The following TTC21A variants were observed in gnomAD, a reference collection of about 807,000 sequenced individuals.
TTC21A encodes tetratricopeptide repeat protein 21A.
Under a neutral mutation model 156.4 loss-of-function variants are expected in TTC21A, and 128 were observed. That is an observed-to-expected ratio of 0.82 (90% CI 0.71 to 0.95). TTC21A has a LOEUF of 0.95. Among genes scored for constraint, TTC21A ranks in the 40% least tolerant of loss-of-function variants. The pLI is 0.00. For missense variants in TTC21A, 1,435 were observed against 1,602.3 expected, an observed-to-expected ratio of 0.90 and a Z score of 1.78; for synonymous variants, 587 against 617.1, an observed-to-expected ratio of 0.95 and a Z score of 0.72.
intron 2 of TTC21A, among the ~76,000 whole-genome samples, 165 bp from the exon 3 acceptor site, chr3:39,109,864 C>T (rs1419677812): frequency 1.3e-5 from 2 of 152,198 alleles, no homozygotes; most frequent in Non-Finnish European, 2.9e-5. Flanking sequence ...ATGTTACCAG[C>T]AACTCTTTCA....
At chr3:39,126,626 TACACACACACAC>T (rs58486401) in intron 12 of TTC21A, among the ~76,000 whole-genome samples, 1 of 147,602 alleles carries the variant, frequency 6.8e-6, no homozygotes, top group African/African-American at 2.5e-5. Context: ...CCTGGTGTAC[TACACACACACAC>T]ACACACACAC....
intron 28 of TTC21A, 25 bp downstream of exon 28, chr3:39,138,648 G>A (rs760722524): frequency 1.2e-6 from 2 of 1,614,058 alleles, no homozygotes; most frequent in East Asian, 4.5e-5. Context: ...TTGGTGGGGA[G>A]GGCCTGGTGT....
Position 39,121,101 on chromosome 3 carries a change from C to T in TTC21A, c.1005C>T (p.Leu335=). The T allele has an allele frequency of 6.2e-7, 1 of 1,614,190 alleles. No individual in the cohort carries two copies. Among genetic ancestry groups the T allele is most frequent in the Non-Finnish European group, 8.5e-7 (1 of 1,180,028 alleles). Residue 335 remains leucine (L), a synonymous_variant, in exon 9 of 29, where the codon CTC becomes CTT. Transcript: ENST00000683103. ...YVHVATELGY[L]FILKNQVKEA... is the part of the protein sequence containing the mutation. The stretch of plus-strand genomic sequence containing the variant: ...ATGTGGCCACAGAACTGGGCTATCT[C>T]TTCATCCTGAAGAACCAAGTGAAAG...
chr3:39,137,264 C>T lies in TTC21A; in HGVS notation c.3327C>T (p.Tyr1109=), dbSNP rs781653411. The change falls in exon 25 of 29, where the codon TAC becomes TAT. Residue 1109 remains tyrosine (Y), a synonymous_variant. Transcript: ENST00000683103. ...STAEKLLREF[Y]PHSDSSQTQL... The stretch of plus-strand genomic sequence containing the variant: ...CCGAGAAACTGCTGCGTGAGTTTTA[C>T]CCACATTCAGACTCCAGCCAGACCC... The T allele has an allele frequency of 6.2e-7, 1 of 1,614,170 alleles. No homozygotes were observed. The highest frequency in any genetic ancestry group is 8.5e-7 in the Non-Finnish European group (1 of 1,180,034).
At chr3:39,124,086 G>A (rs2038001085) in intron 9 of TTC21A, among the ~76,000 whole-genome samples, 1 of 152,168 alleles carries the variant, frequency 6.6e-6, no homozygotes, top group Non-Finnish European at 1.5e-5. Flanking sequence ...AGGGCAAGTT[G>A]ACCTTATCTA....
chr3:39,125,481 G>C lies in TTC21A; in HGVS notation c.1341G>C (p.Pro447=), dbSNP rs111520325. The change falls in exon 11 of 29, where the codon CCG becomes CCC. Residue 447 remains proline (P), a synonymous_variant. Coordinates refer to ENST00000683103, the MANE Select transcript of TTC21A (RefSeq NM_001366900.1). ...CTGAGTACTTTGAAAAGCTGGACCC[G>C]TACTTCCTGGTCTGCATTGCTAAGG... ...LGSEYFEKLD[P]YFLVCIAKEY... 3 of 1,614,060 alleles carry C rather than the reference G, an allele frequency of 1.9e-6. No homozygotes were observed. Among genetic ancestry groups the C allele is most frequent in the South Asian group, 2.2e-5 (2 of 91,084 alleles).
intron 12 of TTC21A, among the ~76,000 whole-genome samples, 193 bp downstream of exon 12, chr3:39,126,583 T>TAC (rs3033302): frequency 0.011 from 1,456 of 135,836 alleles, 21 homozygotes; most frequent in African/African-American, 0.027. Flanking sequence ...CCTGGGGTAC[T>TAC]ACACACACAC....
rs543401241 is a variant in TTC21A, at chr3:39,126,653, A to ATGCACACACG, written c.1522+273_1522+282dup. On this transcript the variant is annotated intron_variant, in intron 12 of 28. Coordinates refer to ENST00000683103, the MANE Select transcript of TTC21A (RefSeq NM_001366900.1). The stretch of plus-strand genomic sequence containing the variant: ...CACACACACACACACACACACACGT[A>ATGCACACACG]TGCACACACGTGCACACACACACAG... Among the ~76,000 whole-genome samples the ATGCACACACG allele has an allele frequency of 3.7e-3, 557 of 150,286 alleles. 1 individual carries two copies. The highest frequency in any genetic ancestry group is 4.8e-3 in the Non-Finnish European group (322 of 67,452).
chr3:39,110,225 C>G (rs1453959765), intron 3 of TTC21A, 86 bp downstream of exon 3: 3 of 1,005,236 alleles, frequency 3.0e-6, no homozygotes, highest in Non-Finnish European at 4.7e-6. Context: ...TCAAGGGCTG[C>G]CAAAGGAGGT....
intron 15 of TTC21A, 135 bp downstream of exon 15, chr3:39,129,445 G>A (rs1252895858): frequency 5.4e-6 from 4 of 736,466 alleles, no homozygotes; most frequent in East Asian, 2.4e-5. Context: ...GTATGGAATT[G>A]TCCATGGGTT....
chr3:39,115,670 A>G (rs944351846), intron 6 of TTC21A, among the ~76,000 whole-genome samples: 7 of 152,200 alleles, frequency 4.6e-5, no homozygotes, highest in African/African-American at 1.4e-4. Flanking sequence ...CTGTCTCGAA[A>G]AAAATAAATA....
Position 39,130,234 on chromosome 3 carries a change from A to G in TTC21A, c.2209-14A>G, listed in dbSNP as rs1319506135. 1 of 1,612,506 alleles carries G rather than the reference A, an allele frequency of 6.2e-7. No homozygotes were observed. The highest frequency in any genetic ancestry group is 2.2e-5 in the East Asian group (1 of 44,856). ...GGAGAGAAGAGGAAGACCCAAAGACACTTTCCCCACCAGCCCGAGAAGGCC... is the reference window on the plus strand; with the variant it reads ...GGAGAGAAGAGGAAGACCCAAAGACGCTTTCCCCACCAGCCCGAGAAGGCC... On this transcript the variant is annotated splice_polypyrimidine_tract_variant and intron_variant, in intron 16 of 28. Transcript: ENST00000683103. The surrounding 1 kb of genome is among the most constrained non-coding windows in gnomAD (Gnocchi z 4.5).
intron 12 of TTC21A, among the ~76,000 whole-genome samples, chr3:39,127,517 C>T (rs2038368520): frequency 6.6e-6 from 1 of 152,178 alleles, no homozygotes; most frequent in African/African-American, 2.4e-5. Flanking sequence ...GCCATGGTGA[C>T]CTCTTCACAT....
Position 39,128,407 on chromosome 3 carries a change from CAT to C in TTC21A, c.1600_1601del (p.Met534ValfsTer79), listed in dbSNP as rs779357065. 1.2e-6 allele frequency: 2 copies of C among 1,614,194 alleles called. No individual in the cohort carries two copies. The highest frequency in any genetic ancestry group is 8.5e-7 in the Non-Finnish European group (1 of 1,180,028). On this transcript the variant is annotated frameshift_variant, in exon 13 of 29. Coordinates refer to ENST00000683103, the MANE Select transcript of TTC21A (RefSeq NM_001366900.1). LOFTEE classifies it high-confidence loss of function. ...CCGCCTCCGTGGATGCCCATCTCCTCATGTGTCAGATCTACTTGGCTCAGGGC... is the reference window on the plus strand; with the variant it reads ...CCGCCTCCGTGGATGCCCATCTCCTCGTGTCAGATCTACTTGGCTCAGGGC... ...DPASVDAHLL[M>X]CQIYLAQGNF... is the part of the protein sequence containing the mutation.
intron 11 of TTC21A, 94 bp from the exon 12 acceptor site, chr3:39,126,165 CAA>C: frequency 6.7e-7 from 1 of 1,481,832 alleles, no homozygotes; most frequent in East Asian, 2.3e-5. Context: ...TGGAATGAAG[CAA>C]AATTCCTTCA....
intron 4 of TTC21A, 151 bp from the exon 5 acceptor site, chr3:39,112,307 C>A: frequency 1.4e-6 from 1 of 734,142 alleles, no homozygotes; most frequent in Non-Finnish European, 2.3e-6. Context: ...GGAGTCCTGG[C>A]CATGAGAGAG....
In TTC21A at chr3:39,120,040, G is replaced by C. The variant is rs1169010303; in HGVS notation, c.900+20G>C. ...CGACTGGTAAGAAGGTTCTTTCCTG[G>C]TTCTGAAATGGTGCTTCTCCCTGCT... On this transcript the variant is annotated intron_variant, in intron 8 of 28. Coordinates refer to ENST00000683103, the MANE Select transcript of TTC21A (RefSeq NM_001366900.1). 2.0e-6 allele frequency: 3 copies of C among 1,527,942 alleles called. No individual in the cohort carries two copies. Among genetic ancestry groups the C allele is most frequent in the Non-Finnish European group, 2.7e-6 (3 of 1,104,716 alleles). The allele number at this position is 1,527,942 out of a possible 1,614,324, so 94.6% of individuals were successfully genotyped here.
Position 39,136,367 on chromosome 3 carries a change from G to A in TTC21A, c.2955G>A (p.Leu985=). 6.2e-7 allele frequency: 1 copy of A among 1,609,998 alleles called. No individual in the cohort carries two copies. Among genetic ancestry groups the A allele is most frequent in the South Asian group, 1.1e-5 (1 of 90,432 alleles). The change falls in exon 23 of 29, where the codon TTG becomes TTA. Residue 985 remains leucine, a synonymous_variant. Transcript: ENST00000683103. ...QVLEKAPDNF[L]VLHKLIDLLR... The stretch of plus-strand genomic sequence containing the variant: ...TGTCTCTTATTTTAGACAATTTTTT[G>A]GTATTGCATAAATTAATCGATCTGC...
At position 39,128,860 on chromosome 3, in the gene TTC21A, C is replaced by T; in HGVS notation, c.1824C>T (p.Pro608=). The change falls in exon 14 of 29, where the codon CCC becomes CCT. Residue 608 remains proline (P), a synonymous_variant. Coordinates refer to ENST00000683103, the MANE Select transcript of TTC21A (RefSeq NM_001366900.1). ...KKEEGRKFLR[P]SVQPSQRASI... is the part of the protein sequence containing the mutation. Reference sequence around the variant, plus strand: ...AAGAAGGCAGAAAGTTCCTCAGGCCCTCTGTGCAGCCTAGCCAGCGGGCAT... The same window carrying T: ...AAGAAGGCAGAAAGTTCCTCAGGCCTTCTGTGCAGCCTAGCCAGCGGGCAT... 2.5e-6 allele frequency: 4 copies of T among 1,614,184 alleles called. No individual in the cohort carries two copies. Among genetic ancestry groups the T allele is most frequent in the Non-Finnish European group, 3.4e-6 (4 of 1,180,018 alleles).
Sources: gnomAD v4.1 joint callset for allele counts (sites outside exome capture counted in the v4.1 genomes callset) on GRCh38, gnomAD v4.1.1 for gene constraint, Gnocchi (gnomAD v3.1) non-coding constraint, MANE v1.5 for transcripts, NCBI Gene and HGNC (gene_info 2026-07-23, HGNC 2026-07-21) for gene names.